FBLN1: variants seen among roughly 807,000 people sequenced by gnomAD.
FBLN1 encodes fibulin 1, also known as fibulin-1.
A neutral mutation model predicts 89.7 loss-of-function variants in FBLN1; 34 were observed. That is an observed-to-expected ratio of 0.38 (90% CI 0.29 to 0.50). The LOEUF (loss-of-function observed/expected upper bound fraction) is 0.50, where lower values mean the gene tolerates loss of function less well. Among genes scored for constraint, FBLN1 ranks in the 20% least tolerant of loss-of-function variants. The probability of loss-of-function intolerance (pLI) is 0.92; values close to 1 mark genes in which losing one functional copy is unlikely to be tolerated. For synonymous variants in FBLN1, 393 were observed against 391.3 expected, an observed-to-expected ratio of 1.00 and a Z score of -0.05; for missense variants, 777 against 988.1, an observed-to-expected ratio of 0.79 and a Z score of 2.86.
chr22:45,577,365 C>T lies in FBLN1; in HGVS notation c.1972+257C>T, dbSNP rs2089006699. Among the ~76,000 whole-genome samples the T allele has an allele frequency of 6.6e-6, 1 of 152,224 alleles. No individual in the cohort carries two copies. Among genetic ancestry groups the T allele is most frequent in the African/African-American group, 2.4e-5 (1 of 41,446 alleles). ...GGTGACCCCTCTGGGTCTCGGTCTC[C>T]CTGCCTATAACATGGGTGGGTTCCA... On this transcript the variant is annotated intron_variant, in intron 16 of 16. Coordinates refer to ENST00000327858, the MANE Select transcript of FBLN1 (RefSeq NM_006486.3). This position sits in a 1 kb window ranked among gnomAD's most constrained non-coding sequence, Gnocchi z 6.6.
chr22:45,538,438 T>C (rs1209786761), intron 8 of FBLN1, among the ~76,000 whole-genome samples: 1 of 152,270 alleles, frequency 6.6e-6, no homozygotes, highest in Non-Finnish European at 1.5e-5. Context: ...TTCTGGGCTC[T>C]GCTCCCTTGA....
chr22:45,503,328 A>C, intron 1 of FBLN1: 9 of 238,208 alleles, frequency 3.8e-5, no homozygotes, highest in South Asian at 1.8e-4. Context: ...GTCCTAGCAA[A>C]TCCAGCCGGC....
At chr22:45,520,709 C>T (rs1433174693) in intron 2 of FBLN1, among the ~76,000 whole-genome samples, 2 of 152,226 alleles carry the variant, frequency 1.3e-5, no homozygotes, top group Non-Finnish European at 2.9e-5. Flanking sequence ...ACTGAGGCCG[C>T]AGATTCAGCA....
chr22:45,592,796 G>A (rs2089150278), intron 16 of FBLN1, among the ~76,000 whole-genome samples: 1 of 152,112 alleles, frequency 6.6e-6, no homozygotes, highest in South Asian at 2.1e-4. Context: ...TCTCCTCTGA[G>A]CTCCTGGCCT....
intron 16 of FBLN1, among the ~76,000 whole-genome samples, chr22:45,594,776 G>A (rs986830358): frequency 5.3e-5 from 8 of 150,030 alleles, no homozygotes; most frequent in Non-Finnish European, 1.2e-4. Flanking sequence ...ATGAGCAGAT[G>A]GTTGGGTTGA....
chr22:45,542,286 G>A lies in FBLN1; in HGVS notation c.1195+3G>A, dbSNP rs1360347498. 1.2e-6 allele frequency: 2 copies of A among 1,613,726 alleles called. No individual in the cohort carries two copies. The highest frequency in any genetic ancestry group is 2.2e-5 in the East Asian group (1 of 44,870). ...CGGCATCAGCAGGATGTGTGTCGGT[G>A]CGTGGGGGGCCCCGCAGGCCTCGGG... is the stretch of plus-strand genomic sequence containing the variant. On this transcript the variant is annotated splice_donor_region_variant and intron_variant, in intron 10 of 16. Transcript: ENST00000327858.
At chr22:45,518,877 G>A (rs2088208508) in intron 2 of FBLN1, 90 bp downstream of exon 2, 7 of 1,172,668 alleles carry the variant, frequency 6.0e-6, no homozygotes, top group South Asian at 2.6e-5. Flanking sequence ...CAGACCTCTC[G>A]GGAGAGGCTG....
At chr22:45,519,056 T>TGCAGCTGCTCTGCCACAGCTAG (rs138717178) in intron 2 of FBLN1, among the ~76,000 whole-genome samples, 2 of 151,760 alleles carry the variant, frequency 1.3e-5, no homozygotes, top group South Asian at 4.2e-4. Flanking sequence ...GATCTGGGCT[T>TGCAGCTGCTCTGCCACAGCTAG]GCAGCTGTGG....
At position 45,578,983 on chromosome 22, in the gene FBLN1, C is replaced by T. The variant is rs1181158475; in HGVS notation, c.1972+1875C>T. Among the ~76,000 whole-genome samples, 3 of 152,236 alleles carry T rather than the reference C, an allele frequency of 2.0e-5. No homozygotes were observed. Among genetic ancestry groups the T allele is most frequent in the Admixed American group, 6.5e-5 (1 of 15,288 alleles). On this transcript the variant is annotated intron_variant, in intron 16 of 16. Coordinates refer to ENST00000327858, the MANE Select transcript of FBLN1 (RefSeq NM_006486.3). This position sits in a 1 kb window ranked among gnomAD's most constrained non-coding sequence, Gnocchi z 4.6. ...GTATCAGATCATCAAAATATGATGC[C>T]GAAATAGGCATGCACAGAGACAGGC...
intron 1 of FBLN1, among the ~76,000 whole-genome samples, chr22:45,509,684 C>T (rs1348807287): frequency 6.6e-6 from 1 of 151,968 alleles, no homozygotes; most frequent in African/African-American, 2.4e-5. Context: ...TGGTGGTAGG[C>T]GCCTGTAATC....
chr22:45,560,751 G>A lies in FBLN1; in HGVS notation c.1697+10136G>A, dbSNP rs377420760. On this transcript the variant is annotated intron_variant, in intron 14 of 16. Coordinates refer to ENST00000327858, the MANE Select transcript of FBLN1 (RefSeq NM_006486.3). ...TTAGAAAACTCAAGCAGTTCTTTTC[G>A]AGTGTAGCTCACTTCCTCATGGGTC... 8.7e-4 allele frequency among the ~76,000 whole-genome samples: 133 copies of A among 152,178 alleles called. 1 individual carries two copies. The highest frequency in any genetic ancestry group is 2.8e-3 in the African/African-American group (116 of 41,510).
At chr22:45,589,919 C>T (rs954394574) in intron 16 of FBLN1, among the ~76,000 whole-genome samples, 1 of 152,196 alleles carries the variant, frequency 6.6e-6, no homozygotes, top group Non-Finnish European at 1.5e-5. Flanking sequence ...GGGGAAGCTT[C>T]CATGACACCA....
At chr22:45,564,758 T>A (rs973496664) in intron 14 of FBLN1, 2 of 1,165,766 alleles carry the variant, frequency 1.7e-6, no homozygotes, top group African/African-American at 3.0e-5. Context: ...CCCAGCTCCT[T>A]GCAAGACATC....
chr22:45,569,897 A>C (rs765426373), intron 14 of FBLN1, among the ~76,000 whole-genome samples: 1 of 152,244 alleles, frequency 6.6e-6, no homozygotes, highest in Non-Finnish European at 1.5e-5. Flanking sequence ...AGCTATTATA[A>C]GCAAAAAAGA....
At position 45,581,821 on chromosome 22, in the gene FBLN1, G is replaced by T. The variant is rs952362457; in HGVS notation, c.1972+4713G>T. On this transcript the variant is annotated intron_variant, in intron 16 of 16. Coordinates refer to ENST00000327858, the MANE Select transcript of FBLN1 (RefSeq NM_006486.3). This position sits in a 1 kb window ranked among gnomAD's most constrained non-coding sequence, Gnocchi z 7.6. ...TCTGTGGCTGGCCCATGAACAGCGC[G>T]ATGAGAGGCAGGGAGCCAGGAAGGG... Among the ~76,000 whole-genome samples, 2 of 152,068 alleles carry T rather than the reference G, an allele frequency of 1.3e-5. No homozygotes were observed. Among genetic ancestry groups the T allele is most frequent in the Non-Finnish European group, 2.9e-5 (2 of 68,014 alleles).
In FBLN1 at chr22:45,527,836, T is replaced by C. The variant is rs1463132666; in HGVS notation, c.322-11T>C. On this transcript the variant is annotated splice_polypyrimidine_tract_variant and intron_variant, in intron 3 of 16. Coordinates refer to ENST00000327858, the MANE Select transcript of FBLN1 (RefSeq NM_006486.3). Reference sequence around the variant, plus strand: ...CGCTCCTCCATCTGGGATCTCCACCTGTGTTTGCAGAGGTGCTGCCATTGC... The same window carrying C: ...CGCTCCTCCATCTGGGATCTCCACCCGTGTTTGCAGAGGTGCTGCCATTGC... 1 of 1,613,514 alleles carries C rather than the reference T, an allele frequency of 6.2e-7. No individual in the cohort carries two copies. Among genetic ancestry groups the C allele is most frequent in the South Asian group, 1.1e-5 (1 of 91,058 alleles).
rs889015172 is a variant in FBLN1, at chr22:45,588,885, G to A, written c.1973-11422G>A. The stretch of plus-strand genomic sequence containing the variant: ...CTCTCCTAACCGTCTTTAAATCTGC[G>A]AAAGGATCTCAGTGCCCGCCATTAC... On this transcript the variant is annotated intron_variant, in intron 16 of 16. Transcript: ENST00000327858. This position sits in a 1 kb window ranked among gnomAD's most constrained non-coding sequence, Gnocchi z 5.1. Among the ~76,000 whole-genome samples the A allele has an allele frequency of 2.0e-5, 3 of 150,670 alleles. No individual in the cohort carries two copies. Among genetic ancestry groups the A allele is most frequent in the African/African-American group, 7.3e-5 (3 of 40,934 alleles).
chr22:45,560,836 G>A (rs1006643113), intron 14 of FBLN1, among the ~76,000 whole-genome samples: 23 of 152,178 alleles, frequency 1.5e-4, no homozygotes, highest in Non-Finnish European at 1.6e-4. Context: ...TAGGTCTAGA[G>A]GCAAACAGGG....
chr22:45,571,065 G>C (rs2088948879), intron 14 of FBLN1, among the ~76,000 whole-genome samples: 1 of 136,928 alleles, frequency 7.3e-6, no homozygotes, highest in South Asian at 2.3e-4. Context: ...AGGTTGCAGG[G>C]AGCCGAGATC....
Sources: gnomAD v4.1 joint callset for allele counts (sites outside exome capture counted in the v4.1 genomes callset) on GRCh38, gnomAD v4.1.1 for gene constraint, Gnocchi (gnomAD v3.1) non-coding constraint, MANE v1.5 for transcripts, NCBI Gene and HGNC (gene_info 2026-07-23, HGNC 2026-07-21) for gene names.